ATP8A2: variants seen among roughly 807,000 people sequenced by gnomAD.
ATP8A2 encodes ATPase phospholipid transporting 8A2, also known as phospholipid-transporting ATPase IB.
ATP8A2 carries 100 observed loss-of-function variants against 165.6 expected under a neutral mutation model. The observed-to-expected ratio is 0.60, with a 90% CI of 0.51 to 0.71. The LOEUF (loss-of-function observed/expected upper bound fraction) is 0.71. Ranked by LOEUF, ATP8A2 falls within the 30% of genes least tolerant of loss-of-function variation. ATP8A2 has a pLI of 0.00. For missense variants in ATP8A2, 1,227 were observed against 1,479.5 expected, an observed-to-expected ratio of 0.83 and a Z score of 2.80; for synonymous variants, 543 against 548.8, an observed-to-expected ratio of 0.99 and a Z score of 0.15.
At chr13:25,417,180 G>A (rs969824861) in intron 1 of ATP8A2, among the ~76,000 whole-genome samples, 1 of 151,970 alleles carries the variant, frequency 6.6e-6, no homozygotes, top group Non-Finnish European at 1.5e-5. Context: ...ATTAATTCTT[G>A]GCCATTTATG....
intron 24 of ATP8A2, among the ~76,000 whole-genome samples, chr13:25,646,277 T>TGAAA (rs2041668355): frequency 6.6e-6 from 1 of 152,186 alleles, no homozygotes; most frequent in Non-Finnish European, 1.5e-5. Context: ...TATCTTTTTC[T>TGAAA]ATCTCTTCAC....
At chr13:25,860,143 G>A (rs962897554) in intron 30 of ATP8A2, 52 bp from the exon 31 acceptor site, 1 of 1,205,218 alleles carries the variant, frequency 8.3e-7, no homozygotes, top group African/African-American at 1.5e-5. Flanking sequence ...GAGTTAAATA[G>A]GTGGCCATGC....
intron 27 of ATP8A2, among the ~76,000 whole-genome samples, chr13:25,787,753 A>C (rs1297750329): frequency 6.6e-6 from 1 of 152,142 alleles, no homozygotes; most frequent in African/African-American, 2.4e-5. Flanking sequence ...TAGGTGTCCC[A>C]TGGTTGGGGA....
At chr13:25,643,875 A>C (rs79790368) in intron 24 of ATP8A2, among the ~76,000 whole-genome samples, 5,254 of 151,920 alleles carry the variant, frequency 0.035, 155 homozygotes, top group East Asian at 0.13. Flanking sequence ...AATATTAATT[A>C]TTCCTGTCTA....
intron 6 of ATP8A2, among the ~76,000 whole-genome samples, chr13:25,534,454 C>A (rs2137944555): frequency 6.6e-6 from 1 of 152,286 alleles, no homozygotes; most frequent in Non-Finnish European, 1.5e-5. Flanking sequence ...AGAAAGGTAT[C>A]AGTATCAGCT....
chr13:25,642,746 A>G (rs936743175), intron 24 of ATP8A2, among the ~76,000 whole-genome samples: 4 of 152,242 alleles, frequency 2.6e-5, no homozygotes, highest in Non-Finnish European at 4.4e-5. Flanking sequence ...TCCTGCTGCT[A>G]TAAAGACACA....
chr13:25,677,508 G>C (rs2042396140), intron 24 of ATP8A2, among the ~76,000 whole-genome samples: 1 of 141,802 alleles, frequency 7.1e-6, no homozygotes, highest in South Asian at 2.2e-4. Flanking sequence ...GTGAGACCCG[G>C]GTGGTGGTGG....
At chr13:25,525,952 T>C (rs1269426407) in intron 2 of ATP8A2, among the ~76,000 whole-genome samples, 1 of 152,178 alleles carries the variant, frequency 6.6e-6, no homozygotes, top group African/African-American at 2.4e-5. Flanking sequence ...ACTTTGTCTT[T>C]TGAGGTAATT....
At chr13:25,564,279 A>G (rs2039248453) in intron 16 of ATP8A2, among the ~76,000 whole-genome samples, 1 of 152,242 alleles carries the variant, frequency 6.6e-6, no homozygotes, top group Non-Finnish European at 1.5e-5. Flanking sequence ...GTTTTACCAC[A>G]TAATTCTGTA....
intron 15 of ATP8A2, among the ~76,000 whole-genome samples, chr13:25,562,071 G>T (rs1593537817): frequency 1.3e-5 from 2 of 152,148 alleles, no homozygotes; most frequent in Admixed American, 1.3e-4. Context: ...GAATAACGCT[G>T]CTGTGAACAT....
intron 24 of ATP8A2, among the ~76,000 whole-genome samples, chr13:25,674,394 T>C (rs1343317719): frequency 6.6e-6 from 1 of 152,200 alleles, no homozygotes. Context: ...TTCAATAATA[T>C]ATCGTTTCCA....
intron 33 of ATP8A2, among the ~76,000 whole-genome samples, chr13:25,916,184 A>G (rs1177990361): frequency 6.6e-6 from 1 of 152,234 alleles, no homozygotes; most frequent in African/African-American, 2.4e-5. Flanking sequence ...GGAAAAAATT[A>G]TGTTGCAGAC....
intron 1 of ATP8A2, among the ~76,000 whole-genome samples, chr13:25,430,743 G>C (rs668572): frequency 6.6e-6 from 1 of 151,778 alleles, no homozygotes; most frequent in East Asian, 2.0e-4. Flanking sequence ...GATTACAGGC[G>C]CCCACCACCA....
At chr13:25,627,921 G>C (rs572323903) in intron 24 of ATP8A2, among the ~76,000 whole-genome samples, 3 of 152,312 alleles carry the variant, frequency 2.0e-5, no homozygotes, top group African/African-American at 7.2e-5. Context: ...CTATGAGCCA[G>C]ATGCAAGGGT....
intron 2 of ATP8A2, among the ~76,000 whole-genome samples, chr13:25,487,154 C>T (rs1003396374): frequency 2.0e-5 from 3 of 152,088 alleles, no homozygotes; most frequent in Admixed American, 1.3e-4. Context: ...TACAATTTTG[C>T]GGAGTCTTTG....
At chr13:25,517,468 G>T (rs2037517878) in intron 2 of ATP8A2, among the ~76,000 whole-genome samples, 1 of 152,134 alleles carries the variant, frequency 6.6e-6, no homozygotes, top group Admixed American at 6.5e-5. Context: ...GTTATTTGTT[G>T]AATAATGCAT....
intron 2 of ATP8A2, among the ~76,000 whole-genome samples, chr13:25,522,850 A>G (rs1051217840): frequency 3.9e-5 from 6 of 152,172 alleles, no homozygotes; most frequent in African/African-American, 1.4e-4. Context: ...CTGGACGGGC[A>G]TGGTGGCTCA....
At chr13:25,453,272 G>A (rs550388559) in intron 1 of ATP8A2, among the ~76,000 whole-genome samples, 2 of 151,432 alleles carry the variant, frequency 1.3e-5, no homozygotes, top group South Asian at 2.1e-4. Flanking sequence ...GATTACAGGC[G>A]CCTGCCACCA....
chr13:25,550,495 G>T (rs1043672479), intron 10 of ATP8A2, among the ~76,000 whole-genome samples: 3 of 152,142 alleles, frequency 2.0e-5, no homozygotes, highest in East Asian at 3.9e-4. Context: ...AGAGGATCTA[G>T]TCCCAAATGT....
Sources: gnomAD v4.1 joint callset for allele counts (sites outside exome capture counted in the v4.1 genomes callset) on GRCh38, gnomAD v4.1.1 for gene constraint, MANE v1.5 for transcripts, NCBI Gene and HGNC (gene_info 2026-07-23, HGNC 2026-07-21) for gene names.